Variants in BLOC1S3 observed in about 807,000 individuals in gnomAD.
The protein encoded by BLOC1S3 is biogenesis of lysosomal organelles complex 1 subunit 3, also known as biogenesis of lysosome-related organelles complex 1 subunit 3.
BLOC1S3 carries 7 observed loss-of-function variants against 9.1 expected under a neutral mutation model. The observed-to-expected ratio is 0.77, with a 90% CI of 0.44 to 1.45. The LOEUF (loss-of-function observed/expected upper bound fraction) is 1.45. BLOC1S3 is among the 40% of genes most tolerant of loss of function. The pLI, the probability that BLOC1S3 is intolerant of heterozygous loss-of-function variation, is 0.01. For missense variants in BLOC1S3, 307 were observed against 315.2 expected (o/e 0.97, Z 0.20); for synonymous variants, 145 against 158.4 (o/e 0.92, Z 0.64).
chr19:45,187,715 T>C (rs1400928784), exon 2 of BLOC1S3: 2 of 152,128 alleles, frequency 1.3e-5, no homozygotes, highest in African/African-American at 4.8e-5. Context: ...CTGCCCTCTG[T>C]TGGAAAACTC....
intron 2 of BLOC1S3, among the ~76,000 whole-genome samples, chr19:45,190,826 G>C (rs8102957): frequency 0.23 from 11,899 of 50,768 alleles, 972 homozygotes; most frequent in Non-Finnish European, 0.3. Context: ...TATTTTTTGA[G>C]AGAGAGTCTT....
intron 2 of BLOC1S3, among the ~76,000 whole-genome samples, chr19:45,200,078 T>A (rs1308833630): frequency 6.6e-6 from 1 of 152,048 alleles, no homozygotes; most frequent in Non-Finnish European, 1.5e-5. Flanking sequence ...ACTGCATATT[T>A]TCAAATAGCC....
chr19:45,189,509 C>T (rs12460531), intron 2 of BLOC1S3, among the ~76,000 whole-genome samples: 54,974 of 150,002 alleles, frequency 0.37, 11,043 homozygotes, highest in Admixed American at 0.44. Context: ...CTCACCTCAC[C>T]ACAACCTCTA....
chr19:45,209,936 T>C (rs1969755737), intron 3 of BLOC1S3, among the ~76,000 whole-genome samples: 1 of 151,864 alleles, frequency 6.6e-6, no homozygotes, highest in Non-Finnish European at 1.5e-5. Context: ...TTCACTGTGT[T>C]AGCCAGGATG....
At chr19:45,211,911 AG>A (rs1376682862) in intron 3 of BLOC1S3, among the ~76,000 whole-genome samples, 1 of 152,062 alleles carries the variant, frequency 6.6e-6, no homozygotes, top group Non-Finnish European at 1.5e-5. Flanking sequence ...GGTGACCTCA[AG>A]GTCTCCGTGG....
intron 3 of BLOC1S3, among the ~76,000 whole-genome samples, chr19:45,206,129 C>T (rs1302429716): frequency 1.3e-5 from 2 of 152,030 alleles, no homozygotes; most frequent in African/African-American, 2.4e-5. Context: ...GGGTGGATCA[C>T]CTGAGGTCGG....
chr19:45,197,824 C>CA (rs55654938), intron 2 of BLOC1S3, among the ~76,000 whole-genome samples: 4,312 of 63,322 alleles, frequency 0.068, 282 homozygotes, highest in Non-Finnish European at 0.084. Flanking sequence ...GACTCCGTCT[C>CA]AAAAAAAAAA....
rs76467674 is a variant in BLOC1S3, at chr19:45,180,145, C to T, written c.*240C>T. On this transcript the variant is annotated 3_prime_UTR_variant, in exon 2 of 2. Coordinates refer to ENST00000433642, the MANE Select transcript of BLOC1S3 (RefSeq NM_212550.5). ...GGTTCCTCTCCCGATCCTGACCCTG[C>T]CGCCTGGTTCTGAGCCTTCCCCTGG... 7.1e-5 allele frequency: 32 copies of T among 451,724 alleles called. No homozygotes were observed. The highest frequency in any genetic ancestry group is 1.2e-4 in the Non-Finnish European group (29 of 250,698). The allele number at this position is 451,724 out of a possible 1,614,324, so 28.0% of individuals were successfully genotyped here. A position where few individuals can be genotyped will look rare whatever the true frequency, so the allele number is the denominator to read the frequency against.
At chr19:45,197,031 C>G (rs1969653945) in intron 2 of BLOC1S3, among the ~76,000 whole-genome samples, 1 of 151,924 alleles carries the variant, frequency 6.6e-6, no homozygotes. Context: ...ACGGGGTTTC[C>G]TGGGCACAGG....
chr19:45,216,268 TTA>T, intron 3 of BLOC1S3: 1 of 1,554,874 alleles, frequency 6.4e-7, no homozygotes, highest in Non-Finnish European at 8.7e-7. Context: ...TCCTGGCTTG[TTA>T]TACCATCTCT....
intron 3 of BLOC1S3, among the ~76,000 whole-genome samples, chr19:45,212,030 C>T (rs1233848185): frequency 6.6e-6 from 1 of 152,124 alleles, no homozygotes; most frequent in Non-Finnish European, 1.5e-5. Flanking sequence ...GCCCTGCCCC[C>T]AACCTCCTTC....
At chr19:45,192,862 G>A (rs1969616551) in intron 2 of BLOC1S3, among the ~76,000 whole-genome samples, 1 of 151,980 alleles carries the variant, frequency 6.6e-6, no homozygotes, top group Non-Finnish European at 1.5e-5. Context: ...AGCCAGGCGT[G>A]GTGGCTCACG....
chr19:45,215,512 A>G (rs1969823203), intron 3 of BLOC1S3, among the ~76,000 whole-genome samples: 1 of 152,148 alleles, frequency 6.6e-6, no homozygotes, highest in African/African-American at 2.4e-5. Flanking sequence ...ATGCTTATTT[A>G]GGTCTGAAAT....
intron 3 of BLOC1S3, chr19:45,213,147 G>A: frequency 1.3e-6 from 2 of 1,588,090 alleles, no homozygotes; most frequent in African/African-American, 1.3e-5. Flanking sequence ...TGGCCAGCCG[G>A]GAGAGGGGGA....
At position 45,180,149 on chromosome 19, in the gene BLOC1S3, C is replaced by G. The variant is rs970536894; in HGVS notation, c.*244C>G. On this transcript the variant is annotated 3_prime_UTR_variant, in exon 2 of 2. Coordinates refer to ENST00000433642, the MANE Select transcript of BLOC1S3 (RefSeq NM_212550.5). ...CCTCTCCCGATCCTGACCCTGCCGCCTGGTTCTGAGCCTTCCCCTGGGGCT... is the reference window on the plus strand; with the variant it reads ...CCTCTCCCGATCCTGACCCTGCCGCGTGGTTCTGAGCCTTCCCCTGGGGCT... 6.7e-6 allele frequency: 3 copies of G among 449,580 alleles called. No individual in the cohort carries two copies. Among genetic ancestry groups the G allele is most frequent in the Non-Finnish European group, 8.0e-6 (2 of 249,404 alleles). The allele number at this position is 449,580 out of a possible 1,614,324, so 27.8% of individuals were successfully genotyped here.
downstream of BLOC1S3, among the ~76,000 whole-genome samples, chr19:45,184,903 C>CAAAAAAAAAAAAAAAAAAA (rs71338752): frequency 2.9e-4 from 14 of 48,286 alleles, 1 homozygote; most frequent in Admixed American, 5.5e-4. Context: ...CTGTCTCAAA[C>CAAAAAAAAAAAAAAAAAAA]AAAAAAAAAA....
Position 45,179,680 on chromosome 19 carries a change from G to A in BLOC1S3, c.384G>A (p.Val128=). The A allele has an allele frequency of 6.8e-7, 1 of 1,467,384 alleles. No individual in the cohort carries two copies. Among genetic ancestry groups the A allele is most frequent in the Non-Finnish European group, 9.0e-7 (1 of 1,115,270 alleles). The allele number at this position is 1,467,384 out of a possible 1,614,324, so 90.9% of individuals were successfully genotyped here. Residue 128 remains valine, a synonymous_variant, in exon 2 of 2, where the codon GTG becomes GTA. Transcript: ENST00000433642. This position sits in a 1 kb window ranked among gnomAD's most constrained non-coding sequence, Gnocchi z 4.6. ...TGGACCACGACGTGGCGGCCGCCGTGAGCGGTGTCTACCGCCGTGCAGGCC... is the reference window on the plus strand; with the variant it reads ...TGGACCACGACGTGGCGGCCGCCGTAAGCGGTGTCTACCGCCGTGCAGGCC... ...ARLDHDVAAA[V]SGVYRRAGRD... is the part of the protein sequence containing the mutation.
At chr19:45,215,273 C>T (rs1249805828) in intron 3 of BLOC1S3, among the ~76,000 whole-genome samples, 1 of 152,090 alleles carries the variant, frequency 6.6e-6, no homozygotes, top group Non-Finnish European at 1.5e-5. Flanking sequence ...AAGTTCGAGA[C>T]CAGCCTGGGC....
chr19:45,184,627 G>A (rs969278539), downstream of BLOC1S3, among the ~76,000 whole-genome samples: 5 of 152,082 alleles, frequency 3.3e-5, no homozygotes, highest in Non-Finnish European at 2.9e-5. Flanking sequence ...GGGGCCGGGC[G>A]TGGTGGCTCA....
Sources: gnomAD v4.1 joint callset for allele counts (sites outside exome capture counted in the v4.1 genomes callset) on GRCh38, gnomAD v4.1.1 for gene constraint, Gnocchi (gnomAD v3.1) non-coding constraint, MANE v1.5 for transcripts, NCBI Gene and HGNC (gene_info 2026-07-23, HGNC 2026-07-21) for gene names.